The following GALNT8 variants were observed in gnomAD, a reference collection of about 807,000 sequenced individuals.
GALNT8 encodes the protein polypeptide N-acetylgalactosaminyltransferase 8.
In GALNT8, 66 loss-of-function variants were observed where a neutral mutation model predicts 62.7. The ratio of observed to expected loss-of-function variants is 1.05; its 90% CI spans 0.86 to 1.29. The LOEUF (loss-of-function observed/expected upper bound fraction) is 1.29, where lower values mean the gene tolerates loss of function less well. GALNT8 is among the 50% of genes most tolerant of loss of function. The pLI is 0.00. For synonymous variants in GALNT8, 288 were observed against 294.3 expected (o/e 0.98, Z 0.22); for missense variants, 771 against 791.8 (o/e 0.97, Z 0.32).
intron 2 of GALNT8, among the ~76,000 whole-genome samples, chr12:4,732,586 C>A (rs1021398221): frequency 2.3e-5 from 2 of 88,670 alleles, no homozygotes; most frequent in Non-Finnish European, 2.4e-5. Flanking sequence ...TTCTGCTGCA[C>A]TGTTCAATAT....
At chr12:4,744,760 C>A in intron 4 of GALNT8, 60 bp downstream of exon 4, 1 of 1,135,672 alleles carries the variant, frequency 8.8e-7, no homozygotes, top group Non-Finnish European at 1.3e-6. Context: ...TGTGCATGTA[C>A]TGAACACAAG....
chr12:4,743,641 C>A (rs1946282090), intron 3 of GALNT8, among the ~76,000 whole-genome samples: 1 of 152,196 alleles, frequency 6.6e-6, no homozygotes, highest in Non-Finnish European at 1.5e-5. Flanking sequence ...CATAGGTTCA[C>A]ATCCAGGGCG....
intron 1 of GALNT8, among the ~76,000 whole-genome samples, chr12:4,724,750 A>G (rs187240417): frequency 1.3e-5 from 2 of 152,190 alleles, no homozygotes; most frequent in Non-Finnish European, 2.9e-5. Flanking sequence ...TTTTTGTCTT[A>G]ACCACTTGAA....
rs944571985 is a variant in GALNT8, at chr12:4,720,584, C to G, written c.-94C>G. 3.4e-6 allele frequency: 3 copies of G among 872,104 alleles called. No homozygotes were observed. Among genetic ancestry groups the G allele is most frequent in the Non-Finnish European group, 3.9e-6 (2 of 516,478 alleles). 54.0% of individuals were successfully genotyped at this position (872,104 alleles called of 1,614,324 possible). On this transcript the variant is annotated 5_prime_UTR_variant, in exon 1 of 11. Coordinates refer to ENST00000252318, the MANE Select transcript of GALNT8 (RefSeq NM_017417.2). ...CAACTCAACTGGCACCTAGAACTCT[C>G]TTTCCCACAAAAGCTAGGCTGGTTC...
intron 5 of GALNT8, 118 bp from the exon 6 acceptor site, chr12:4,746,026 C>G (rs1304832145): frequency 6.2e-6 from 4 of 643,868 alleles, no homozygotes; most frequent in Non-Finnish European, 1.1e-5. Flanking sequence ...TTAGGGAAGG[C>G]CTTCATGATA....
chr12:4,758,365 G>A (rs922437796), intron 6 of GALNT8, among the ~76,000 whole-genome samples: 4 of 152,086 alleles, frequency 2.6e-5, no homozygotes, highest in Non-Finnish European at 5.9e-5. Flanking sequence ...TAAGAAGGGA[G>A]ATGATGGGTA....
At chr12:4,758,623 TGTGTGTGTGTGTGTGAGAGA>T (rs1350524424) in intron 6 of GALNT8, among the ~76,000 whole-genome samples, 14 of 93,746 alleles carry the variant, frequency 1.5e-4, no homozygotes, top group Admixed American at 4.0e-4. Flanking sequence ...TGTGTGTGTG[TGTGTGTGTGTGTGTGAGAGA>T]GAGAGAGAGA....
intron 4 of GALNT8, among the ~76,000 whole-genome samples, 194 bp downstream of exon 4, chr12:4,744,894 A>G (rs1946289912): frequency 6.6e-6 from 1 of 152,214 alleles, no homozygotes; most frequent in Non-Finnish European, 1.5e-5. Context: ...GAGAGTATTG[A>G]CAGTTGGATC....
chr12:4,759,542 C>G (rs1946362241), intron 6 of GALNT8, among the ~76,000 whole-genome samples: 1 of 150,334 alleles, frequency 6.7e-6, no homozygotes, highest in African/African-American at 2.4e-5. Flanking sequence ...CAAAGCCTTG[C>G]TTTTTTTTCT....
rs1270569898 is a variant in GALNT8 at position 4,726,058 on chromosome 12, C to G, written c.212-474C>G. ...AAGTTTTACTGTAAAAAGAATTACTCCTTGGTTTTATTAAAAAGCAGGTTC... is the reference window on the plus strand; with the variant it reads ...AAGTTTTACTGTAAAAAGAATTACTGCTTGGTTTTATTAAAAAGCAGGTTC... On this transcript the variant is annotated intron_variant, in intron 1 of 10. Transcript: ENST00000252318. The surrounding 1 kb of genome is among the most constrained non-coding windows in gnomAD (Gnocchi z 4.1). Among the ~76,000 whole-genome samples the G allele has an allele frequency of 1.3e-5, 2 of 152,080 alleles. No homozygotes were observed. The highest frequency in any genetic ancestry group is 2.9e-5 in the Non-Finnish European group (2 of 68,004).
intron 6 of GALNT8, among the ~76,000 whole-genome samples, chr12:4,758,071 ATTCT>A (rs1294004366): frequency 6.6e-6 from 1 of 152,082 alleles, no homozygotes; most frequent in African/African-American, 2.4e-5. Context: ...TCTACAAGAC[ATTCT>A]TTCTTTTAAT....
Position 4,761,101 on chromosome 12 carries a change from G to C in GALNT8, c.1317G>C (p.Glu439Asp). ...GAGTGGCCGAAATCTGGATGGATGA[G>C]CACAAACACATGGTCTACTTGGCCT... is the stretch of plus-strand genomic sequence containing the variant. Reference protein sequence around the residue: ...ALRVAEIWMDEHKHMVYLAWN... With the variant: ...ALRVAEIWMDDHKHMVYLAWN... Residue 439 changes from glutamate (E) to aspartate (D), a missense_variant, in exon 7 of 11, where the codon GAG becomes GAC. Transcript: ENST00000252318. The C allele has an allele frequency of 6.2e-7, 1 of 1,614,118 alleles. No individual in the cohort carries two copies. The highest frequency in any genetic ancestry group is 1.6e-4 in the Middle Eastern group (1 of 6,062).
intron 10 of GALNT8, among the ~76,000 whole-genome samples, chr12:4,769,699 T>A (rs1946414574): frequency 6.6e-6 from 1 of 151,508 alleles, no homozygotes; most frequent in South Asian, 2.1e-4. Context: ...TTATATACTT[T>A]ATATATAAAA....
intron 6 of GALNT8, among the ~76,000 whole-genome samples, chr12:4,754,910 C>T (rs1208358030): frequency 1.3e-5 from 2 of 152,136 alleles, no homozygotes; most frequent in Non-Finnish European, 2.9e-5. Flanking sequence ...GGGCCTGGAC[C>T]AGGGACCACA....
chr12:4,735,036 T>C (rs1354630948), intron 2 of GALNT8, among the ~76,000 whole-genome samples: 1 of 152,172 alleles, frequency 6.6e-6, no homozygotes, highest in Admixed American at 6.5e-5. Flanking sequence ...GGCTATCTGC[T>C]GGAAAAGTGG....
intron 10 of GALNT8, among the ~76,000 whole-genome samples, chr12:4,769,507 C>T (rs1422755277): frequency 8.5e-5 from 13 of 152,122 alleles, no homozygotes; most frequent in Non-Finnish European, 1.9e-4. Context: ...AAATGTCCAA[C>T]AGCAGGGGAG....
chr12:4,767,651 TTC>T (rs1450087484), intron 10 of GALNT8, among the ~76,000 whole-genome samples: 1 of 152,160 alleles, frequency 6.6e-6, no homozygotes, highest in Admixed American at 6.5e-5. Context: ...TAGTGGTGAG[TTC>T]TCTGTCAATG....
At chr12:4,722,746 G>C (rs904577411) in intron 1 of GALNT8, among the ~76,000 whole-genome samples, 1 of 152,134 alleles carries the variant, frequency 6.6e-6, no homozygotes, top group South Asian at 2.1e-4. Flanking sequence ...GGCTGGAGTT[G>C]GGGAAAGTGT....
intron 2 of GALNT8, among the ~76,000 whole-genome samples, chr12:4,737,068 A>G (rs1021260629): frequency 1.3e-5 from 2 of 152,220 alleles, no homozygotes; most frequent in African/African-American, 4.8e-5. Context: ...TAAAAAGTAC[A>G]ATAATAAAAA....
Sources: allele counts gnomAD v4.1 joint callset (sites outside exome capture counted in the v4.1 genomes callset), GRCh38; gene constraint gnomAD v4.1.1; non-coding constraint Gnocchi (gnomAD v3.1); transcripts MANE v1.5; gene names NCBI Gene and HGNC (gene_info 2026-07-23, HGNC 2026-07-21).